PDE1C: variants seen among roughly 807,000 people sequenced by gnomAD.
PDE1C encodes the protein phosphodiesterase 1C.
A neutral mutation model predicts 93.1 loss-of-function variants in PDE1C; 62 were observed. The ratio of observed to expected loss-of-function variants is 0.67; its 90% CI spans 0.54 to 0.82. PDE1C has a LOEUF of 0.82. Among genes scored for constraint, PDE1C ranks in the 40% least tolerant of loss-of-function variants. PDE1C has a pLI of 0.00. For missense variants in PDE1C, 742 were observed against 884.6 expected (o/e 0.84, Z 2.04); for synonymous variants, 325 against 310.1 (o/e 1.05, Z -0.50).
chr7:32,206,008 A>C (rs750818135), intron 2 of PDE1C, among the ~76,000 whole-genome samples: 1 of 152,180 alleles, frequency 6.6e-6, no homozygotes, highest in East Asian at 1.9e-4. Flanking sequence ...AACCCACCAG[A>C]AGAAACCGAT....
At chr7:31,842,725 T>C (rs1334778220) in intron 9 of PDE1C, among the ~76,000 whole-genome samples, 1 of 151,994 alleles carries the variant, frequency 6.6e-6, no homozygotes, top group Non-Finnish European at 1.5e-5. Flanking sequence ...TCTTAATTTT[T>C]TCTTTTTATT....
At chr7:31,865,158 G>C in intron 6 of PDE1C, 76 bp from the exon 7 acceptor site, 4 of 1,499,534 alleles carry the variant, frequency 2.7e-6, no homozygotes, top group Admixed American at 1.7e-5. Context: ...TAAGGCACCA[G>C]GACTGCTTTT....
chr7:31,982,558 T>A (rs953060099), intron 2 of PDE1C, among the ~76,000 whole-genome samples: 9 of 152,174 alleles, frequency 5.9e-5, no homozygotes, highest in African/African-American at 1.9e-4. Flanking sequence ...TCTTTTTTTT[T>A]AGCATAAAAA....
chr7:31,815,716 C>T (rs1788158009), intron 15 of PDE1C, among the ~76,000 whole-genome samples: 1 of 152,082 alleles, frequency 6.6e-6, no homozygotes, highest in Non-Finnish European at 1.5e-5. Flanking sequence ...AGAAAGGTAT[C>T]AATCTCCCTG....
At chr7:32,056,368 A>AACACACACACAC (rs375602478) in intron 1 of PDE1C, among the ~76,000 whole-genome samples, 1 of 119,186 alleles carries the variant, frequency 8.4e-6, no homozygotes, top group Non-Finnish European at 1.8e-5. Context: ...CTCTCACTGA[A>AACACACACACAC]ACACACACAC....
intron 2 of PDE1C, among the ~76,000 whole-genome samples, chr7:31,997,233 C>T (rs947629949): frequency 1.3e-5 from 2 of 152,162 alleles, no homozygotes; most frequent in Non-Finnish European, 2.9e-5. Flanking sequence ...GCACCTCAAG[C>T]TTTTAATTTC....
chr7:32,397,858 C>CAAA (rs757982405), intron 1 of PDE1C, among the ~76,000 whole-genome samples: 156 of 135,458 alleles, frequency 1.2e-3, no homozygotes, highest in African/African-American at 3.9e-3. Context: ...ACTAAAGATA[C>CAAA]AAAAAAAAAA....
intron 2 of PDE1C, among the ~76,000 whole-genome samples, chr7:31,898,404 C>T (rs1426774978): frequency 6.6e-6 from 1 of 152,046 alleles, no homozygotes; most frequent in African/African-American, 2.4e-5. Context: ...TGATAGTATG[C>T]TTTAACACTT....
At chr7:32,108,433 C>CCACACACA (rs10696295) in intron 3 of PDE1C, among the ~76,000 whole-genome samples, 3 of 146,684 alleles carry the variant, frequency 2.0e-5, no homozygotes, top group South Asian at 4.3e-4. Context: ...AGAAAAAAAA[C>CCACACACA]CACACACACA....
intron 2 of PDE1C, among the ~76,000 whole-genome samples, chr7:32,035,670 C>T (rs563632041): frequency 2.0e-5 from 3 of 152,096 alleles, no homozygotes; most frequent in Non-Finnish European, 2.9e-5. Flanking sequence ...AAAGAGCATC[C>T]GAATTATTTG....
At chr7:32,088,372 C>A (rs1797253942) in intron 3 of PDE1C, among the ~76,000 whole-genome samples, 1 of 152,180 alleles carries the variant, frequency 6.6e-6, no homozygotes, top group Non-Finnish European at 1.5e-5. Context: ...TGATTCTGGG[C>A]ACCTTGGTAA....
chr7:31,884,356 C>A (rs1031859490), intron 2 of PDE1C, among the ~76,000 whole-genome samples: 17 of 150,936 alleles, frequency 1.1e-4, no homozygotes, highest in East Asian at 3.9e-4. Flanking sequence ...CAATACAATT[C>A]AAAAAAAACC....
chr7:31,963,274 G>A (rs918666923), intron 2 of PDE1C, among the ~76,000 whole-genome samples: 9 of 152,112 alleles, frequency 5.9e-5, no homozygotes, highest in South Asian at 4.2e-4. Flanking sequence ...TTCATTGTAC[G>A]ATGTTTAACA....
intron 1 of PDE1C, among the ~76,000 whole-genome samples, chr7:32,063,206 C>T (rs948521034): frequency 6.6e-6 from 1 of 152,160 alleles, no homozygotes; most frequent in Admixed American, 6.5e-5. Context: ...TTGTAATGTG[C>T]CTTATATTTG....
intron 1 of PDE1C, among the ~76,000 whole-genome samples, chr7:32,220,457 C>G (rs1393894664): frequency 6.6e-6 from 1 of 152,118 alleles, no homozygotes; most frequent in African/African-American, 2.4e-5. Context: ...GGGATTGAAA[C>G]CCAGTCTGTG....
At chr7:31,731,243 G>A in the PDE1C span, among the ~76,000 whole-genome samples, 1 of 152,070 alleles carries the variant, frequency 6.6e-6, no homozygotes, top group Non-Finnish European at 1.5e-5. Context: ...AAGCTCACAG[G>A]AACCCGCAGG....
At chr7:31,837,719 C>T (rs1791297218) in intron 10 of PDE1C, 151 bp downstream of exon 10, 2 of 582,522 alleles carry the variant, frequency 3.4e-6, no homozygotes, top group Admixed American at 2.9e-5. Context: ...GTAGGTACAA[C>T]TTTTATGCTT....
At chr7:31,986,905 C>T (rs563042874) in intron 2 of PDE1C, among the ~76,000 whole-genome samples, 6 of 150,864 alleles carry the variant, frequency 4.0e-5, no homozygotes, top group African/African-American at 1.5e-4. Flanking sequence ...GTCTATAACA[C>T]TTATAGAGTT....
At chr7:32,147,454 C>T (rs936171582) in intron 3 of PDE1C, among the ~76,000 whole-genome samples, 1 of 152,144 alleles carries the variant, frequency 6.6e-6, no homozygotes, top group African/African-American at 2.4e-5. Flanking sequence ...TTTTTAATCA[C>T]ATACACACAT....
Sources: allele counts gnomAD v4.1 joint callset (sites outside exome capture counted in the v4.1 genomes callset), GRCh38; gene constraint gnomAD v4.1.1; transcripts MANE v1.5; gene names NCBI Gene and HGNC (gene_info 2026-07-23, HGNC 2026-07-21).